LRRTM4: variants seen among roughly 807,000 people sequenced by gnomAD.
LRRTM4 encodes leucine rich repeat transmembrane neuronal 4.
In LRRTM4, 25 loss-of-function variants were observed where a neutral mutation model predicts 47.6. The ratio of observed to expected loss-of-function variants is 0.53; its 90% CI spans 0.38 to 0.73. The LOEUF (loss-of-function observed/expected upper bound fraction) is 0.73, where lower values mean the gene tolerates loss of function less well. Ranked by LOEUF, LRRTM4 falls within the 30% of genes least tolerant of loss-of-function variation. The pLI is 0.00. For missense variants in LRRTM4, 638 were observed against 713.4 expected, an observed-to-expected ratio of 0.89 and a Z score of 1.20; for synonymous variants, 311 against 269.5, an observed-to-expected ratio of 1.15 and a Z score of -1.51.
intron 3 of LRRTM4, among the ~76,000 whole-genome samples, chr2:77,244,048 A>G (rs1675353020): frequency 1.5e-5 from 2 of 129,698 alleles, no homozygotes; most frequent in Non-Finnish European, 3.2e-5. Flanking sequence ...GCGATAGTTT[A>G]CTGAGAATGA....
At chr2:77,029,584 C>T (rs922863532) in intron 3 of LRRTM4, among the ~76,000 whole-genome samples, 2 of 152,142 alleles carry the variant, frequency 1.3e-5, no homozygotes, top group Admixed American at 6.6e-5. Flanking sequence ...CAGAGACACA[C>T]TCAGGAACAA....
chr2:76,974,087 T>C lies in LRRTM4; in HGVS notation c.1552-225171A>G, dbSNP rs187659460. Among the ~76,000 whole-genome samples the C allele has an allele frequency of 8.2e-3, 1,230 of 150,492 alleles. 3 individuals are homozygous for C. Among genetic ancestry groups the C allele is most frequent in the Non-Finnish European group, 0.013 (857 of 67,516 alleles). On this transcript the variant is annotated intron_variant, in intron 3 of 3. Transcript: ENST00000409884. ...AGGTTTTACCATCCGTTTAAAAAAA[T>C]GCAGTTTCTAAAGCTGAATTACATA...
At chr2:77,106,579 C>CTAAA (rs1671097619) in intron 3 of LRRTM4, among the ~76,000 whole-genome samples, 1 of 151,340 alleles carries the variant, frequency 6.6e-6, no homozygotes, top group African/African-American at 2.4e-5. Flanking sequence ...ATTTATAAGG[C>CTAAA]TAAAAAAGAT....
At chr2:76,989,762 G>A (rs975675305) in intron 3 of LRRTM4, 29 of 151,724 alleles carry the variant, frequency 1.9e-4, no homozygotes, top group African/African-American at 4.1e-4. Flanking sequence ...TGTCATTATC[G>A]TTATTTTATA....
chr2:77,237,191 G>GT (rs933699919), intron 3 of LRRTM4, among the ~76,000 whole-genome samples: 4 of 149,684 alleles, frequency 2.7e-5, no homozygotes, highest in Admixed American at 6.7e-5. Flanking sequence ...TGGTTGCTAG[G>GT]TTTTTTCATT....
chr2:77,040,549 C>A (rs1678995067), intron 3 of LRRTM4, among the ~76,000 whole-genome samples: 1 of 151,392 alleles, frequency 6.6e-6, no homozygotes, highest in East Asian at 1.9e-4. Context: ...AAACAGTAGG[C>A]TTCTCAGTAG....
At chr2:76,819,071 A>G (rs1670981255) in intron 3 of LRRTM4, among the ~76,000 whole-genome samples, 1 of 151,816 alleles carries the variant, frequency 6.6e-6, no homozygotes, top group Admixed American at 6.6e-5. Context: ...TTCCGTGTCT[A>G]AAACTCCATA....
At chr2:77,012,918 T>C (rs1005626321) in intron 3 of LRRTM4, among the ~76,000 whole-genome samples, 1 of 152,190 alleles carries the variant, frequency 6.6e-6, no homozygotes, top group African/African-American at 2.4e-5. Flanking sequence ...GGGCAAACGA[T>C]GTATTAAGTG....
chr2:77,178,344 T>G (rs1673255161), intron 3 of LRRTM4, among the ~76,000 whole-genome samples: 1 of 152,102 alleles, frequency 6.6e-6, no homozygotes, highest in South Asian at 2.1e-4. Context: ...TCCCAGCACT[T>G]TAGGAAGCCA....
At chr2:77,048,953 CACTCT>C (rs1468564226) in intron 3 of LRRTM4, among the ~76,000 whole-genome samples, 1 of 151,328 alleles carries the variant, frequency 6.6e-6, no homozygotes, top group African/African-American at 2.4e-5. Flanking sequence ...TAATAACCAC[CACTCT>C]ACTCTCTATT....
intron 3 of LRRTM4, among the ~76,000 whole-genome samples, chr2:77,294,704 T>C (rs1676923211): frequency 6.6e-6 from 1 of 152,096 alleles, no homozygotes; most frequent in Non-Finnish European, 1.5e-5. Context: ...TCAGAGGTAT[T>C]GGATATTGTA....
chr2:77,298,300 G>T (rs776721992), intron 3 of LRRTM4, among the ~76,000 whole-genome samples: 19 of 152,220 alleles, frequency 1.2e-4, no homozygotes, highest in Non-Finnish European at 2.5e-4. Flanking sequence ...GCAGTGGCAC[G>T]ATCTCGGCTC....
At chr2:76,890,237 G>T (rs535520896) in intron 3 of LRRTM4, among the ~76,000 whole-genome samples, 5 of 152,022 alleles carry the variant, frequency 3.3e-5, no homozygotes, top group Admixed American at 2.0e-4. Flanking sequence ...CACTGAGTGT[G>T]AATTAGAATC....
intron 3 of LRRTM4, among the ~76,000 whole-genome samples, chr2:77,476,733 G>A (rs4538234): frequency 0.61 from 92,168 of 151,894 alleles, 28,285 homozygotes; most frequent in Middle Eastern, 0.71. Context: ...AATGGACCGA[G>A]TTTTACAAAT....
rs1282183331 is a variant in LRRTM4 at position 76,800,381 on chromosome 2, G to T, written c.1552-51465C>A. Among the ~76,000 whole-genome samples, 18 of 131,778 alleles carry T rather than the reference G, an allele frequency of 1.4e-4. No homozygotes were observed. In the Admixed American group the frequency reaches 1.4e-3, roughly 10 times the overall value. 86.5% of individuals were successfully genotyped at this position (131,778 alleles called of 152,430 possible). A position where few individuals can be genotyped will look rare whatever the true frequency, so the allele number is the denominator to read the frequency against. Reference sequence around the variant, plus strand: ...GATTCCCTATTTAATAAATGGTGCTGGGAAAACTGGCTAGCCATATGTAGA... The same window carrying T: ...GATTCCCTATTTAATAAATGGTGCTTGGAAAACTGGCTAGCCATATGTAGA... On this transcript the variant is annotated intron_variant, in intron 3 of 3. Transcript: ENST00000409884.
chr2:77,207,866 C>CTTTTTTTTTTTTTTT (rs754540782), intron 3 of LRRTM4, among the ~76,000 whole-genome samples: 8 of 42,614 alleles, frequency 1.9e-4, no homozygotes, highest in East Asian at 8.3e-4. Context: ...GGGAAAGTGG[C>CTTTTTTTTTTTTTTT]TTTTTTTTTT....
intron 3 of LRRTM4, among the ~76,000 whole-genome samples, chr2:76,916,895 TA>T (rs1186606449): frequency 1.3e-5 from 2 of 152,252 alleles, no homozygotes; most frequent in African/African-American, 2.4e-5. Flanking sequence ...AAGATATTTA[TA>T]AAACCATCAC....
At chr2:76,850,247 A>G (rs776667507) in intron 3 of LRRTM4, among the ~76,000 whole-genome samples, 2 of 151,874 alleles carry the variant, frequency 1.3e-5, no homozygotes, top group Non-Finnish European at 2.9e-5. Flanking sequence ...CCCTTTGTCA[A>G]TTATTAACAT....
At chr2:76,899,196 T>C (rs950635708) in intron 3 of LRRTM4, among the ~76,000 whole-genome samples, 2 of 151,728 alleles carry the variant, frequency 1.3e-5, no homozygotes, top group African/African-American at 4.8e-5. Context: ...CTTTAACAAT[T>C]TATTCAACAA....
Sources: allele counts gnomAD v4.1 joint callset (sites outside exome capture counted in the v4.1 genomes callset), GRCh38; gene constraint gnomAD v4.1.1; transcripts MANE v1.5; gene names NCBI Gene and HGNC (gene_info 2026-07-23, HGNC 2026-07-21).